Variants in EDARADD observed in about 807,000 individuals in gnomAD.
EDARADD encodes EDAR associated via death domain, also known as ectodysplasin-A receptor-associated adapter protein.
In EDARADD, 20 loss-of-function variants were observed where a neutral mutation model predicts 25.6. The observed-to-expected ratio is 0.78, with a 90% confidence interval of 0.55 to 1.14. The LOEUF (loss-of-function observed/expected upper bound fraction) is 1.14. Among genes scored for constraint, EDARADD ranks in the 50% most tolerant of loss-of-function variants. EDARADD has a pLI of 0.00. For missense variants in EDARADD, 225 were observed against 270.1 expected (o/e 0.83, Z 1.17); for synonymous variants, 86 against 94.4 (o/e 0.91, Z 0.52).
intron 4 of EDARADD, among the ~76,000 whole-genome samples, chr1:236,455,078 C>T (rs529682269): frequency 8.5e-5 from 13 of 152,062 alleles, no homozygotes; most frequent in Non-Finnish European, 1.6e-4. Flanking sequence ...GGCGTGGTGG[C>T]GGGCGCCTGT....
chr1:236,400,568 CT>C (rs1667596127), intron 1 of EDARADD, among the ~76,000 whole-genome samples: 1 of 151,872 alleles, frequency 6.6e-6, no homozygotes, highest in Admixed American at 6.6e-5. Context: ...GAAAAACTTC[CT>C]TTTGTTTTTT....
chr1:236,436,210 T>C (rs1285815367), intron 4 of EDARADD, among the ~76,000 whole-genome samples: 3 of 151,270 alleles, frequency 2.0e-5, no homozygotes, highest in Non-Finnish European at 4.4e-5. Flanking sequence ...CAGGCTGGAG[T>C]GCAGTGGTGT....
At chr1:236,363,033 A>ATATATATATATATAAAT (rs1558100919) in intron 3 of EDARADD, among the ~76,000 whole-genome samples, 1 of 117,664 alleles carries the variant, frequency 8.5e-6, no homozygotes, top group African/African-American at 3.2e-5. Context: ...ATATATATAT[A>ATATATATATATATAAAT]AAATTTGTGT....
intron 4 of EDARADD, among the ~76,000 whole-genome samples, chr1:236,463,162 G>A (rs755101192): frequency 2.0e-5 from 3 of 152,104 alleles, no homozygotes; most frequent in Admixed American, 6.5e-5. Context: ...TGCTATCCTC[G>A]GAATAGTGTT....
At chr1:236,415,428 A>C (rs1483870991) in intron 3 of EDARADD, among the ~76,000 whole-genome samples, 1 of 152,134 alleles carries the variant, frequency 6.6e-6, no homozygotes, top group Non-Finnish European at 1.5e-5. Flanking sequence ...GGTGGTCAGC[A>C]GGGCTATGTT....
chr1:236,484,208 C>T lies in EDARADD; in HGVS notation c.*1559C>T, dbSNP rs1659765241. ...TCCTGCTCAAAGTGAACCAGATTCG[C>T]TCTGTGACTGAGTCCCTTCAGGCGT... On this transcript the variant is annotated 3_prime_UTR_variant, in exon 6 of 6. Coordinates refer to ENST00000334232, the MANE Select transcript of EDARADD (RefSeq NM_145861.4). This position sits in a 1 kb window ranked among gnomAD's most constrained non-coding sequence, Gnocchi z 4.1. The T allele has an allele frequency of 2.8e-6, 3 of 1,052,916 alleles. No homozygotes were observed. Among genetic ancestry groups the T allele is most frequent in the Non-Finnish European group, 4.5e-6 (3 of 669,016 alleles). The allele number at this position is 1,052,916 out of a possible 1,614,324, so 65.2% of individuals were successfully genotyped here.
At chr1:236,450,630 C>T (rs1391584304) in intron 4 of EDARADD, among the ~76,000 whole-genome samples, 1 of 145,462 alleles carries the variant, frequency 6.9e-6, no homozygotes, top group Non-Finnish European at 1.5e-5. Flanking sequence ...CTCACTGCAA[C>T]CTCCGTCTCC....
At chr1:236,389,403 C>G (rs1012160779), upstream of EDARADD, among the ~76,000 whole-genome samples, 2 of 152,158 alleles carry the variant, frequency 1.3e-5, no homozygotes, top group African/African-American at 4.8e-5. Flanking sequence ...TGTGGGAAAC[C>G]AAACACTGCT....
intron 4 of EDARADD, among the ~76,000 whole-genome samples, chr1:236,450,920 C>G (rs141574580): frequency 6.6e-6 from 1 of 152,102 alleles, no homozygotes; most frequent in Non-Finnish European, 1.5e-5. Flanking sequence ...ACATCGAGAT[C>G]CAGAGTGGTT....
At chr1:236,391,568 A>G (rs1034234980), upstream of EDARADD, among the ~76,000 whole-genome samples, 2 of 152,324 alleles carry the variant, frequency 1.3e-5, no homozygotes, top group East Asian at 3.9e-4. Context: ...TCTGTAGATC[A>G]GTCCCACTTG....
Position 236,394,386 on chromosome 1 carries a change from A to G in EDARADD, c.-59A>G. The G allele has an allele frequency of 6.3e-7, 1 of 1,584,388 alleles. No homozygotes were observed. Among genetic ancestry groups the G allele is most frequent in the Admixed American group, 1.7e-5 (1 of 59,978 alleles). On this transcript the variant is annotated 5_prime_UTR_variant, in exon 1 of 6. Transcript: ENST00000334232. ...GACAACCAGCGAGCATCTTCTCGCA[A>G]TCTGTTGCTTCTTCCATGGCAAACT... is the stretch of plus-strand genomic sequence containing the variant.
intron 3 of EDARADD, among the ~76,000 whole-genome samples, chr1:236,370,386 A>G (rs1364530944): frequency 6.6e-6 from 1 of 152,108 alleles, no homozygotes; most frequent in African/African-American, 2.4e-5. Flanking sequence ...ATGCCACTGC[A>G]CTCCAGCCTG....
At chr1:236,426,211 C>T (rs1455804618) in intron 3 of EDARADD, among the ~76,000 whole-genome samples, 1 of 152,160 alleles carries the variant, frequency 6.6e-6, no homozygotes, top group Non-Finnish European at 1.5e-5. Context: ...ACTCCTGCCT[C>T]AAGTGCTCCT....
At chr1:236,414,353 CA>C in intron 3 of EDARADD, 54 bp downstream of exon 3, 1 of 1,428,734 alleles carries the variant, frequency 7.0e-7, no homozygotes, top group South Asian at 1.2e-5. Context: ...ATATTGTGAA[CA>C]AAGCACTAGT....
intron 4 of EDARADD, among the ~76,000 whole-genome samples, chr1:236,465,151 T>A (rs1460726799): frequency 6.6e-6 from 1 of 152,196 alleles, no homozygotes; most frequent in Non-Finnish European, 1.5e-5. Context: ...CATTAATCCT[T>A]GCTTATGTCA....
chr1:236,453,783 G>A lies in EDARADD; in HGVS notation c.220-14448G>A, dbSNP rs550192560. On this transcript the variant is annotated intron_variant, in intron 4 of 5. Coordinates refer to ENST00000334232, the MANE Select transcript of EDARADD (RefSeq NM_145861.4). ...GGGCACTCTATGATGTTCACACAAC[G>A]AAATCACCTAAGGACGCATTTCTCA... Among the ~76,000 whole-genome samples, 12 of 152,278 alleles carry A rather than the reference G, an allele frequency of 7.9e-5. No homozygotes were observed. The East Asian group carries it at 9.6e-4, about 12-fold the overall frequency.
intron 3 of EDARADD, among the ~76,000 whole-genome samples, chr1:236,353,995 T>C (rs183766404): frequency 2.0e-5 from 3 of 152,276 alleles, no homozygotes; most frequent in African/African-American, 7.2e-5. Flanking sequence ...AGTTCTCTTG[T>C]AGCTGGAGAC....
chr1:236,483,960 G>C lies in EDARADD; in HGVS notation c.*1311G>C. ...TGACCTGGAATTCAAGTTTCTCGAC[G>C]ACCCCACCAGGTACATCTCACCTGA... On this transcript the variant is annotated 3_prime_UTR_variant, in exon 6 of 6. Transcript: ENST00000334232. 1.5e-6 allele frequency: 2 copies of C among 1,366,746 alleles called. No homozygotes were observed. Among genetic ancestry groups the C allele is most frequent in the South Asian group, 2.3e-5 (2 of 85,728 alleles). 84.7% of individuals were successfully genotyped at this position (1,366,746 alleles called of 1,614,324 possible).
intron 5 of EDARADD, among the ~76,000 whole-genome samples, chr1:236,478,122 G>GA (rs113781551): frequency 4.1e-4 from 62 of 150,538 alleles, no homozygotes; most frequent in Admixed American, 2.8e-3. Flanking sequence ...GAAAAGGAAA[G>GA]AAAAAAAAAT....
Sources: allele counts gnomAD v4.1 joint callset (sites outside exome capture counted in the v4.1 genomes callset), GRCh38; gene constraint gnomAD v4.1.1; non-coding constraint Gnocchi (gnomAD v3.1); transcripts MANE v1.5; gene names NCBI Gene and HGNC (gene_info 2026-07-23, HGNC 2026-07-21).